The following XKR6 variants were observed in gnomAD, a reference collection of about 807,000 sequenced individuals.
XKR6 encodes XK related 6.
A neutral mutation model predicts 56.7 loss-of-function variants in XKR6; 22 were observed. The ratio of observed to expected loss-of-function variants is 0.39; its 90% confidence interval spans 0.28 to 0.55. XKR6 has a LOEUF of 0.55. XKR6 is among the 20% of genes least tolerant of loss of function. The probability of loss-of-function intolerance (pLI) is 0.66; values close to 1 mark genes in which losing one functional copy is unlikely to be tolerated. For missense variants in XKR6, 852 were observed against 889.0 expected (o/e 0.96, Z 0.53); for synonymous variants, 524 against 387.8 (o/e 1.35, Z -4.13).
intron 2 of XKR6, among the ~76,000 whole-genome samples, chr8:10,911,909 T>C (rs770743197): frequency 6.0e-5 from 9 of 149,638 alleles, no homozygotes; most frequent in Admixed American, 1.3e-4. Context: ...AATAGGTATA[T>C]ATAGAGAGGG....
chr8:10,946,152 A>G (rs775346181), intron 1 of XKR6, among the ~76,000 whole-genome samples: 3 of 152,060 alleles, frequency 2.0e-5, no homozygotes, highest in Non-Finnish European at 4.4e-5. Flanking sequence ...CTCTGCCTGC[A>G]GGTTTCTCAC....
intron 2 of XKR6, among the ~76,000 whole-genome samples, chr8:10,916,928 G>C (rs1318683269): frequency 6.6e-6 from 1 of 152,216 alleles, no homozygotes; most frequent in Non-Finnish European, 1.5e-5. Context: ...AGTTGAGAAA[G>C]AAGAAAACTA....
At chr8:10,999,510 A>G (rs998427811) in intron 1 of XKR6, among the ~76,000 whole-genome samples, 1 of 152,258 alleles carries the variant, frequency 6.6e-6, no homozygotes, top group African/African-American at 2.4e-5. Context: ...TATCTTCAGA[A>G]GAAATTTTTT....
intron 1 of XKR6, among the ~76,000 whole-genome samples, 160 bp from the exon 2 acceptor site, chr8:10,924,990 A>C (rs926566109): frequency 5.9e-5 from 9 of 152,096 alleles, no homozygotes; most frequent in African/African-American, 2.2e-4. Context: ...GGCTCCCGGC[A>C]AAAGGACATG....
At chr8:11,035,863 A>G (rs571434603) in intron 1 of XKR6, among the ~76,000 whole-genome samples, 119 of 151,336 alleles carry the variant, frequency 7.9e-4, no homozygotes, top group African/African-American at 2.7e-3. Flanking sequence ...GTCTGATTCT[A>G]CCTACATCTA....
At chr8:11,162,412 A>G (rs910142842) in intron 1 of XKR6, among the ~76,000 whole-genome samples, 2 of 152,254 alleles carry the variant, frequency 1.3e-5, no homozygotes, top group Admixed American at 6.5e-5. Context: ...CACCAAGGTC[A>G]CAACCTAGAG....
At chr8:11,139,624 G>C (rs888587136) in intron 1 of XKR6, among the ~76,000 whole-genome samples, 1 of 152,170 alleles carries the variant, frequency 6.6e-6, no homozygotes, top group East Asian at 1.9e-4. Flanking sequence ...TGAGGAGAAA[G>C]TGCTGGGACT....
intron 1 of XKR6, among the ~76,000 whole-genome samples, chr8:11,087,827 C>T (rs759416127): frequency 1.4e-4 from 21 of 152,148 alleles, no homozygotes; most frequent in Non-Finnish European, 2.2e-4. Context: ...AGTGAGTTTC[C>T]GTCACTAGAA....
At chr8:10,928,610 G>A (rs1800966879) in intron 1 of XKR6, among the ~76,000 whole-genome samples, 1 of 152,132 alleles carries the variant, frequency 6.6e-6, no homozygotes, top group South Asian at 2.1e-4. Context: ...GCGGCCACAC[G>A]GTGGCGCCAG....
rs1054388711 is a variant in XKR6 at position 11,109,245 on chromosome 8, C to A, written c.764+91331G>T. The A allele has an allele frequency of 5.9e-5, 9 of 152,200 alleles. 1 individual carries two copies. The East Asian group carries it at 1.2e-3, about 19-fold the overall frequency. The allele number at this position is 152,200 out of a possible 1,614,324, so 9.4% of individuals were successfully genotyped here. On this transcript the variant is annotated intron_variant, in intron 1 of 2. Coordinates refer to ENST00000416569, the MANE Select transcript of XKR6 (RefSeq NM_173683.4). Reference sequence around the variant, plus strand: ...AAGTTTCTAGGAAGCAAGCATCAAACCCTGACTGTATTCATGCCATCATCT... The same window carrying A: ...AAGTTTCTAGGAAGCAAGCATCAAAACCTGACTGTATTCATGCCATCATCT...
chr8:11,002,999 T>TG (rs1798279454), intron 1 of XKR6, among the ~76,000 whole-genome samples: 1 of 150,512 alleles, frequency 6.6e-6, no homozygotes, highest in Admixed American at 6.6e-5. Context: ...AGGGGACCAC[T>TG]GAAAAAAAAA....
In XKR6 at chr8:10,896,083, T is replaced by TTA. The variant is rs35728440; in HGVS notation, c.*1867_*1868dup. Reference sequence around the variant, plus strand: ...ATTTACTTAAAAATATTGTGTGTGTTTATATATATATATATATATATACTT... The same window carrying TTA: ...ATTTACTTAAAAATATTGTGTGTGTTTATATATATATATATATATATATACTT... On this transcript the variant is annotated 3_prime_UTR_variant, in exon 3 of 3. Coordinates refer to ENST00000416569, the MANE Select transcript of XKR6 (RefSeq NM_173683.4). The TTA allele has an allele frequency of 0.58, 81,819 of 140,962 alleles. 24,865 individuals carry two copies. Among genetic ancestry groups the TTA allele is most frequent in the East Asian group, 0.81 (3,898 of 4,820 alleles). The allele number at this position is 140,962 out of a possible 1,614,324, so 8.7% of individuals were successfully genotyped here. A position where few individuals can be genotyped will look rare whatever the true frequency, so the allele number is the denominator to read the frequency against.
rs559681274 is a variant in XKR6, at chr8:11,150,624, G to A, written c.764+49952C>T. ...TCCCAGCACTTCGGGAGGCCAAGGC[G>A]GGTGGATCACCTGAGGTCAGTAGTT... is the stretch of plus-strand genomic sequence containing the variant. On this transcript the variant is annotated intron_variant, in intron 1 of 2. Coordinates refer to ENST00000416569, the MANE Select transcript of XKR6 (RefSeq NM_173683.4). Among the ~76,000 whole-genome samples, 12 of 152,092 alleles carry A rather than the reference G, an allele frequency of 7.9e-5. No homozygotes were observed. The East Asian group carries it at 1.5e-3, about 20-fold the overall frequency.
chr8:11,031,612 C>T (rs1798994867), intron 1 of XKR6, among the ~76,000 whole-genome samples: 1 of 152,196 alleles, frequency 6.6e-6, no homozygotes, highest in Non-Finnish European at 1.5e-5. Flanking sequence ...AGGGGCTGTC[C>T]TCTTAGCTGG....
intron 1 of XKR6, among the ~76,000 whole-genome samples, chr8:11,179,818 A>G (rs764378734): frequency 6.6e-6 from 1 of 152,200 alleles, no homozygotes; most frequent in Non-Finnish European, 1.5e-5. Flanking sequence ...ACCAAGGGAG[A>G]AAACAGATTA....
At chr8:11,158,185 T>C (rs545440973) in intron 1 of XKR6, among the ~76,000 whole-genome samples, 1 of 152,192 alleles carries the variant, frequency 6.6e-6, no homozygotes, top group South Asian at 2.1e-4. Flanking sequence ...TCGTCAGCCA[T>C]AATGACAGGG....
intron 1 of XKR6, among the ~76,000 whole-genome samples, chr8:11,009,609 C>T (rs566232784): frequency 6.6e-6 from 1 of 152,244 alleles, no homozygotes; most frequent in African/African-American, 2.4e-5. Flanking sequence ...GGTCCCAGAT[C>T]TTCTGTAAAA....
chr8:11,053,832 G>C (rs1586482675), intron 1 of XKR6, among the ~76,000 whole-genome samples: 2 of 152,288 alleles, frequency 1.3e-5, no homozygotes, highest in South Asian at 4.1e-4. Flanking sequence ...TGCCACCTAA[G>C]CAGGGAAGAG....
chr8:11,137,012 G>A (rs1800434988), intron 1 of XKR6: 1 of 152,304 alleles, frequency 6.6e-6, no homozygotes. Flanking sequence ...TGACCCTTAA[G>A]AGGAAAAAGA....
Sources: gnomAD v4.1 joint callset for allele counts (sites outside exome capture counted in the v4.1 genomes callset) on GRCh38, gnomAD v4.1.1 for gene constraint, MANE v1.5 for transcripts, NCBI Gene and HGNC (gene_info 2026-07-23, HGNC 2026-07-21) for gene names.